Variants in TTC29 observed in about 807,000 individuals in gnomAD.
TTC29 encodes the protein tetratricopeptide repeat protein 29.
Under a neutral mutation model 58.1 loss-of-function variants are expected in TTC29, and 49 were observed. The observed-to-expected ratio is 0.84, with a 90% CI of 0.67 to 1.07. TTC29 has a LOEUF of 1.07. TTC29 is among the 50% of genes least tolerant of loss of function. TTC29 has a pLI of 0.00. For synonymous variants in TTC29, 209 were observed against 196.8 expected (o/e 1.06, Z -0.52); for missense variants, 582 against 555.6 (o/e 1.05, Z -0.48).
At chr4:146,793,779 C>G (rs1749641120) in intron 11 of TTC29, among the ~76,000 whole-genome samples, 1 of 152,076 alleles carries the variant, frequency 6.6e-6, no homozygotes, top group South Asian at 2.1e-4. Context: ...CAGTAGAAAG[C>G]TGAAGTTTTT....
chr4:146,789,716 C>T (rs1749288928), intron 11 of TTC29, among the ~76,000 whole-genome samples: 7 of 152,076 alleles, frequency 4.6e-5, no homozygotes. Context: ...ATAGTAAGTT[C>T]TGTTTTGTCA....
In TTC29 at chr4:146,921,449, C is replaced by T. The variant is rs1322874215; in HGVS notation, c.177-12200G>A. 6.0e-5 allele frequency among the ~76,000 whole-genome samples: 9 copies of T among 150,868 alleles called. No individual in the cohort carries two copies. In the Middle Eastern group the frequency reaches 0.014, roughly 231 times the overall value. On this transcript the variant is annotated intron_variant, in intron 4 of 12. Transcript: ENST00000325106. ...AAAAAGTATAAAATAGATTAGTAGGCGGAGAACAAGAATATTTTTCTTTTG... is the reference window on the plus strand; with the variant it reads ...AAAAAGTATAAAATAGATTAGTAGGTGGAGAACAAGAATATTTTTCTTTTG...
intron 11 of TTC29, among the ~76,000 whole-genome samples, chr4:146,738,772 G>A (rs1260287431): frequency 1.3e-5 from 2 of 152,112 alleles, no homozygotes; most frequent in Non-Finnish European, 1.5e-5. Flanking sequence ...TCCCCAGAGA[G>A]TGTCCTACCT....
intron 8 of TTC29, among the ~76,000 whole-genome samples, chr4:146,850,847 A>T (rs999414827): frequency 6.6e-6 from 1 of 152,244 alleles, no homozygotes. Flanking sequence ...AGATATAAAC[A>T]ATCATTCTGC....
intron 11 of TTC29, among the ~76,000 whole-genome samples, chr4:146,714,989 T>A (rs28878561): frequency 6.1e-4 from 93 of 151,344 alleles, no homozygotes; most frequent in African/African-American, 2.3e-3. Flanking sequence ...TATGCCACCA[T>A]GTCTGGCTAA....
intron 11 of TTC29, among the ~76,000 whole-genome samples, chr4:146,751,672 T>A (rs1044828844): frequency 2.0e-5 from 3 of 151,946 alleles, no homozygotes; most frequent in African/African-American, 7.3e-5. Context: ...AAACACAGGA[T>A]ACCAAAACGT....
At chr4:146,773,407 G>A (rs1337671061) in intron 11 of TTC29, among the ~76,000 whole-genome samples, 1 of 151,878 alleles carries the variant, frequency 6.6e-6, no homozygotes, top group African/African-American at 2.4e-5. Context: ...TGCCCAGTTT[G>A]TTGAGGGTTT....
intron 5 of TTC29, among the ~76,000 whole-genome samples, chr4:146,905,324 G>GTATATA (rs10533850): frequency 5.4e-5 from 8 of 147,206 alleles, no homozygotes; most frequent in Non-Finnish European, 9.0e-5. Flanking sequence ...TTAATAAAAA[G>GTATATA]TATATATATA....
Position 146,867,497 on chromosome 4 carries a change from CT to C in TTC29, c.885del (p.Val296SerfsTer25). On this transcript the variant is annotated frameshift_variant and splice_region_variant, in exon 8 of 13. Transcript: ENST00000325106. LOFTEE classifies it high-confidence loss of function. ...TGGCAGTGATTAAAAGTTTAGCTTA[CT>C]GTTAATGCTGTTTCATATTCCTCAG... ...LAAEEYETAL[T>X]VLDTYCKIST... The C allele has an allele frequency of 6.8e-7, 1 of 1,464,044 alleles. No homozygotes were observed. 90.7% of individuals were successfully genotyped at this position (1,464,044 alleles called of 1,614,324 possible).
intron 11 of TTC29, among the ~76,000 whole-genome samples, chr4:146,769,241 T>G (rs1012859937): frequency 5.3e-5 from 8 of 152,026 alleles, no homozygotes; most frequent in Non-Finnish European, 1.2e-4. Flanking sequence ...AAAATGTCAA[T>G]CTTTTGCTGT....
intron 6 of TTC29, among the ~76,000 whole-genome samples, chr4:146,893,861 T>A (rs1213040303): frequency 1.3e-5 from 2 of 151,938 alleles, no homozygotes; most frequent in Non-Finnish European, 2.9e-5. Flanking sequence ...CATCAAAAAG[T>A]GGGTGAAGGA....
At chr4:146,899,829 C>A (rs1355801875) in intron 6 of TTC29, among the ~76,000 whole-genome samples, 1 of 152,162 alleles carries the variant, frequency 6.6e-6, no homozygotes, top group African/African-American at 2.4e-5. Flanking sequence ...TGGTTGGGCC[C>A]TGACCACCTG....
chr4:146,827,327 A>G (rs1193771910), intron 9 of TTC29, among the ~76,000 whole-genome samples: 1 of 152,172 alleles, frequency 6.6e-6, no homozygotes, highest in African/African-American at 2.4e-5. Flanking sequence ...TTCTGATGGG[A>G]GCCCCAGCTT....
chr4:146,750,699 T>C (rs1254525749), intron 11 of TTC29, among the ~76,000 whole-genome samples: 3 of 152,010 alleles, frequency 2.0e-5, no homozygotes. Flanking sequence ...TTCATGGTGA[T>C]CGCAAAACAA....
At chr4:146,925,313 A>G (rs1298810139) in intron 4 of TTC29, among the ~76,000 whole-genome samples, 1 of 151,998 alleles carries the variant, frequency 6.6e-6, no homozygotes. Context: ...AACAAAAATT[A>G]TGGGTTTTTC....
intron 6 of TTC29, among the ~76,000 whole-genome samples, chr4:146,900,678 A>G (rs1733083867): frequency 6.6e-6 from 1 of 152,220 alleles, no homozygotes; most frequent in Non-Finnish European, 1.5e-5. Flanking sequence ...TATTTTTAAA[A>G]ATCAGAATGA....
At chr4:146,924,484 C>T (rs907897040) in intron 4 of TTC29, among the ~76,000 whole-genome samples, 2 of 151,816 alleles carry the variant, frequency 1.3e-5, no homozygotes, top group South Asian at 4.1e-4. Context: ...TGAACTTTGG[C>T]AGTGTCTTTT....
rs891584566 is a variant in TTC29, at chr4:146,784,050, A to G, written c.1330+19407T>C. 2.0e-5 allele frequency among the ~76,000 whole-genome samples: 3 copies of G among 151,566 alleles called. No individual in the cohort carries two copies. The Middle Eastern group carries it at 0.01, about 519-fold the overall frequency. On this transcript the variant is annotated intron_variant, in intron 11 of 12. Transcript: ENST00000325106. ...CTTGAACTAGTTTTCTTAACTGAGA[A>G]AGGAGCTAAGTCTCAGGTATAGTAT...
At chr4:146,716,495 G>T (rs1334562750) in intron 11 of TTC29, among the ~76,000 whole-genome samples, 2 of 151,988 alleles carry the variant, frequency 1.3e-5, no homozygotes, top group Non-Finnish European at 1.5e-5. Context: ...GATGGGTTTG[G>T]AGCTAAGTAT....
Sources: gnomAD v4.1 joint callset for allele counts (sites outside exome capture counted in the v4.1 genomes callset) on GRCh38, gnomAD v4.1.1 for gene constraint, MANE v1.5 for transcripts, NCBI Gene and HGNC (gene_info 2026-07-23, HGNC 2026-07-21) for gene names.